Variants in SAE1 observed in about 807,000 individuals in gnomAD.
The protein encoded by SAE1 is SUMO-activating enzyme subunit 1.
In SAE1, 11 loss-of-function variants were observed where a neutral mutation model predicts 40.6. The ratio of observed to expected loss-of-function variants is 0.27; its 90% confidence interval spans 0.17 to 0.45. SAE1 has a LOEUF of 0.45. SAE1 is among the 20% of genes least tolerant of loss of function. The pLI is 1.00. For missense variants in SAE1, 373 were observed against 427.3 expected (o/e 0.87, Z 1.12); for synonymous variants, 155 against 154.3 (o/e 1.00, Z -0.03).
intron 8 of SAE1, among the ~76,000 whole-genome samples, chr19:47,204,591 C>T (rs2058676076): frequency 6.7e-6 from 1 of 149,038 alleles, no homozygotes; most frequent in South Asian, 2.1e-4. Context: ...ACTGCAACCT[C>T]CGCCTCCTGG....
chr19:47,151,965 C>A (rs575479094), intron 3 of SAE1, among the ~76,000 whole-genome samples: 37 of 152,304 alleles, frequency 2.4e-4, no homozygotes, highest in African/African-American at 8.9e-4. Context: ...CAATTGGTTG[C>A]ATGTTCACCT....
rs1339079947 is a variant in SAE1 at position 47,166,326 on chromosome 19, A to T, written c.628-3492A>T. ...TGCCTTAATCTGGCACAGAACTCCT[A>T]AGGAGTGTGAAAATTTCAAATTTGA... On this transcript the variant is annotated intron_variant, in intron 5 of 8. Transcript: ENST00000270225. 2.0e-5 allele frequency among the ~76,000 whole-genome samples: 3 copies of T among 152,266 alleles called. No individual in the cohort carries two copies. In the East Asian group the frequency reaches 5.8e-4, roughly 29 times the overall value.
intron 5 of SAE1, among the ~76,000 whole-genome samples, chr19:47,164,199 C>T (rs1374718176): frequency 2.0e-5 from 3 of 151,606 alleles, no homozygotes; most frequent in Non-Finnish European, 4.4e-5. Flanking sequence ...GACGAAGTCT[C>T]GATCTGTCGC....
At chr19:47,166,939 C>G (rs1356607263) in intron 5 of SAE1, among the ~76,000 whole-genome samples, 1 of 152,086 alleles carries the variant, frequency 6.6e-6, no homozygotes, top group Non-Finnish European at 1.5e-5. Flanking sequence ...ACTGTTTAAT[C>G]TTCACTAGCA....
In SAE1 at chr19:47,209,525, C is replaced by G. The variant is rs2058703007; in HGVS notation, c.*274C>G. 9 of 562,898 alleles carry G rather than the reference C, an allele frequency of 1.6e-5. No homozygotes were observed. The South Asian group carries it at 2.1e-4, about 13-fold the overall frequency. 34.9% of individuals were successfully genotyped at this position (562,898 alleles called of 1,614,324 possible). The stretch of plus-strand genomic sequence containing the variant: ...CAGCTCCCCTGAGTGATGAGCACTT[C>G]CAAGCACCCCTCTGCCCTTTCTCTG... On this transcript the variant is annotated 3_prime_UTR_variant, in exon 9 of 9. Coordinates refer to ENST00000270225, the MANE Select transcript of SAE1 (RefSeq NM_005500.3).
intron 1 of SAE1, among the ~76,000 whole-genome samples, chr19:47,132,143 A>G (rs994929740): frequency 6.6e-6 from 1 of 151,084 alleles, no homozygotes; most frequent in Non-Finnish European, 1.5e-5. Context: ...TTGTATTTTT[A>G]GTAGACATGG....
chr19:47,191,571 T>C (rs961663062), intron 6 of SAE1, among the ~76,000 whole-genome samples: 1 of 152,164 alleles, frequency 6.6e-6, no homozygotes, highest in Non-Finnish European at 1.5e-5. Flanking sequence ...ACGTGGAAAC[T>C]GAGGCTGCCT....
intron 1 of SAE1, among the ~76,000 whole-genome samples, chr19:47,139,674 C>A (rs959950939): frequency 6.8e-6 from 1 of 147,922 alleles, no homozygotes; most frequent in Non-Finnish European, 1.5e-5. Flanking sequence ...CTGCAAGCTA[C>A]ACCTTCCGGG....
intron 6 of SAE1, among the ~76,000 whole-genome samples, chr19:47,178,257 AATCT>A (rs1375852111): frequency 1.2e-4 from 18 of 152,196 alleles, no homozygotes; most frequent in Middle Eastern, 3.4e-3. Context: ...AAAAAAAAGA[AATCT>A]ATCTATCTAT....
chr19:47,179,649 A>G (rs185586051), intron 6 of SAE1, among the ~76,000 whole-genome samples: 6 of 152,218 alleles, frequency 3.9e-5, no homozygotes, highest in African/African-American at 7.2e-5. Flanking sequence ...AGCTCAAGCA[A>G]TCCTCACATC....
chr19:47,197,221 TC>T lies in SAE1; in HGVS notation c.734-11del. On this transcript the variant is annotated splice_polypyrimidine_tract_variant and intron_variant, in intron 6 of 8. Coordinates refer to ENST00000270225, the MANE Select transcript of SAE1 (RefSeq NM_005500.3). ...GTGGCTTTATAACCTGCCTTCTTTT[TC>T]TTATTCCCAGTGCTCTTAAAGTTCC... 1 of 1,586,392 alleles carries T rather than the reference TC, an allele frequency of 6.3e-7. No individual in the cohort carries two copies. Among genetic ancestry groups the T allele is most frequent in the Non-Finnish European group, 8.5e-7 (1 of 1,171,646 alleles).
intron 1 of SAE1, among the ~76,000 whole-genome samples, chr19:47,140,675 A>AGTC (rs2058216117): frequency 6.6e-6 from 1 of 150,924 alleles, no homozygotes; most frequent in Admixed American, 6.6e-5. Flanking sequence ...GTGCACCTAT[A>AGTC]GTCCCAGGAC....
At chr19:47,174,945 GTGA>G (rs1370453084) in intron 6 of SAE1, among the ~76,000 whole-genome samples, 56 of 151,956 alleles carry the variant, frequency 3.7e-4, no homozygotes, top group Non-Finnish European at 1.5e-5. Context: ...CTGACCTCAG[GTGA>G]TCCTCCTGCC....
At chr19:47,166,571 C>T (rs555222405) in intron 5 of SAE1, among the ~76,000 whole-genome samples, 3 of 152,182 alleles carry the variant, frequency 2.0e-5, no homozygotes, top group Non-Finnish European at 2.9e-5. Context: ...CCCCCAACTC[C>T]GTTTCATCAT....
In SAE1 at chr19:47,167,250, G is replaced by A. The variant is rs1319163130; in HGVS notation, c.628-2568G>A. Among the ~76,000 whole-genome samples the A allele has an allele frequency of 3.4e-5, 5 of 145,558 alleles. No individual in the cohort carries two copies. The South Asian group carries it at 1.1e-3, about 33-fold the overall frequency. The stretch of plus-strand genomic sequence containing the variant: ...ATTACAGGTGTGAGCCACCACACCC[G>A]GCCTGCGCCCAGATAATTTTTGTAT... On this transcript the variant is annotated intron_variant, in intron 5 of 8. Coordinates refer to ENST00000270225, the MANE Select transcript of SAE1 (RefSeq NM_005500.3).
chr19:47,191,346 A>G (rs1202755782), intron 6 of SAE1, among the ~76,000 whole-genome samples: 2 of 152,184 alleles, frequency 1.3e-5, no homozygotes, highest in African/African-American at 2.4e-5. Context: ...AACAAAAACA[A>G]GTAAATAAAT....
intron 5 of SAE1, among the ~76,000 whole-genome samples, chr19:47,158,707 G>A (rs2058338985): frequency 6.6e-6 from 1 of 152,196 alleles, no homozygotes; most frequent in South Asian, 2.1e-4. Context: ...CTGTGTGCAA[G>A]GCACTGTGTT....
rs1422366312 is a variant in SAE1 at position 47,210,044 on chromosome 19, G to A, written c.*793G>A. 3.3e-5 allele frequency: 5 copies of A among 152,146 alleles called. No individual in the cohort carries two copies. Among genetic ancestry groups the A allele is most frequent in the Admixed American group, 6.6e-5 (1 of 15,258 alleles). The allele number at this position is 152,146 out of a possible 1,614,324, so 9.4% of individuals were successfully genotyped here. A position where few individuals can be genotyped will look rare whatever the true frequency, so the allele number is the denominator to read the frequency against. On this transcript the variant is annotated 3_prime_UTR_variant, in exon 9 of 9. Transcript: ENST00000270225. ...TTTTAACAGAACCCCAGTCACATGCGGCTCAAGTCACTCAGAGGCTGTTGC... is the reference window on the plus strand; with the variant it reads ...TTTTAACAGAACCCCAGTCACATGCAGCTCAAGTCACTCAGAGGCTGTTGC...
chr19:47,152,887 T>C lies in SAE1; in HGVS notation c.385-11T>C. On this transcript the variant is annotated splice_polypyrimidine_tract_variant and intron_variant, in intron 3 of 8. Transcript: ENST00000270225. Reference sequence around the variant, plus strand: ...AAAACTCAAACCCAGCCAATTTCTTTCTTTCTGCAGGTGTGTCTGACTTGC... The same window carrying C: ...AAAACTCAAACCCAGCCAATTTCTTCCTTTCTGCAGGTGTGTCTGACTTGC... 6.2e-7 allele frequency: 1 copy of C among 1,610,012 alleles called. No homozygotes were observed.
Sources: allele counts gnomAD v4.1 joint callset (sites outside exome capture counted in the v4.1 genomes callset), GRCh38; gene constraint gnomAD v4.1.1; transcripts MANE v1.5; gene names NCBI Gene and HGNC (gene_info 2026-07-23, HGNC 2026-07-21).